The following DSN1 variants were observed in gnomAD, a reference collection of about 807,000 sequenced individuals.
The protein encoded by DSN1 is kinetochore-associated protein DSN1 homolog.
In DSN1, 31 loss-of-function variants were observed where a neutral mutation model predicts 45.7. The observed-to-expected ratio is 0.68, with a 90% CI of 0.51 to 0.92. The LOEUF is 0.92. Ranked by LOEUF, DSN1 falls within the 40% of genes least tolerant of loss-of-function variation. The pLI is 0.00. For missense variants in DSN1, 394 were observed against 414.2 expected, an observed-to-expected ratio of 0.95 and a Z score of 0.42; for synonymous variants, 134 against 142.3, an observed-to-expected ratio of 0.94 and a Z score of 0.41.
At chr20:36,752,985 A>G (rs1316169415) in intron 10 of DSN1, 88 bp from the exon 11 acceptor site, 16 of 1,020,000 alleles carry the variant, frequency 1.6e-5, no homozygotes, top group Non-Finnish European at 2.3e-5. Flanking sequence ...TGTGACACAC[A>G]TGGAAGGGCA....
At chr20:36,755,951 T>C in intron 8 of DSN1, 122 bp from the exon 9 acceptor site, 1 of 1,152,662 alleles carries the variant, frequency 8.7e-7, no homozygotes, top group South Asian at 1.7e-5. Flanking sequence ...TAGGCTCACT[T>C]CTTAACAGAA....
intron 5 of DSN1, 102 bp from the exon 6 acceptor site, chr20:36,762,650 G>A (rs992731497): frequency 4.0e-6 from 4 of 1,008,540 alleles, no homozygotes; most frequent in Non-Finnish European, 5.6e-6. Context: ...TCTAGGTACT[G>A]TTACATGTTG....
At chr20:36,765,605 T>A (rs1987277750) in intron 5 of DSN1, among the ~76,000 whole-genome samples, 1 of 150,698 alleles carries the variant, frequency 6.6e-6, no homozygotes, top group Admixed American at 6.6e-5. Flanking sequence ...GGTCAGGAGA[T>A]CGAGACCATG....
intron 1 of DSN1, among the ~76,000 whole-genome samples, chr20:36,773,213 C>T (rs550120054): frequency 8.5e-5 from 13 of 152,288 alleles, no homozygotes; most frequent in African/African-American, 2.9e-4. Flanking sequence ...GCTATGTAAG[C>T]GCTTTACTTG....
At chr20:36,753,480 A>G (rs1986487329) in intron 10 of DSN1, among the ~76,000 whole-genome samples, 1 of 151,638 alleles carries the variant, frequency 6.6e-6, no homozygotes, top group Non-Finnish European at 1.5e-5. Context: ...TCTACTAAAA[A>G]TACAAAAATT....
Position 36,772,167 on chromosome 20 carries a change from A to G in DSN1, c.-15-694T>C, listed in dbSNP as rs140714487. On this transcript the variant is annotated intron_variant, in intron 1 of 10. Transcript: ENST00000373750. ...AAGTCTGGGATTACAGGCGTGAGCCACCACGCCCAGCCTCACTGTTACTAG... is the reference window on the plus strand; with the variant it reads ...AAGTCTGGGATTACAGGCGTGAGCCGCCACGCCCAGCCTCACTGTTACTAG... Among the ~76,000 whole-genome samples the G allele has an allele frequency of 6.7e-3, 1,020 of 152,218 alleles. 13 individuals carry two copies. The highest frequency in any genetic ancestry group is 0.023 in the African/African-American group (959 of 41,534).
chr20:36,759,608 C>T (rs113802781), intron 6 of DSN1, among the ~76,000 whole-genome samples: 3 of 151,900 alleles, frequency 2.0e-5, no homozygotes, highest in South Asian at 4.2e-4. Context: ...CTCAGCCTCC[C>T]GAGTAGCTGG....
Position 36,773,699 on chromosome 20 carries a change from A to G in DSN1, c.-53T>C. ...GCCACGGGTCGCTCTCCACAGCCCC[A>G]GGTCACTCCTGGACGCCTTGCGCAC... On this transcript the variant is annotated 5_prime_UTR_variant, in exon 1 of 11. Coordinates refer to ENST00000373750, the MANE Select transcript of DSN1 (RefSeq NM_001145315.2). 2.0e-6 allele frequency: 2 copies of G among 985,640 alleles called. No individual in the cohort carries two copies. Among genetic ancestry groups the G allele is most frequent in the Non-Finnish European group, 2.4e-6 (2 of 830,084 alleles). The allele number at this position is 985,640 out of a possible 1,614,324, so 61.1% of individuals were successfully genotyped here.
intron 6 of DSN1, among the ~76,000 whole-genome samples, chr20:36,759,704 C>T (rs1601007471): frequency 1.3e-5 from 2 of 151,554 alleles, no homozygotes; most frequent in Non-Finnish European, 2.9e-5. Context: ...AGGATGGTTT[C>T]GATCTCCTGA....
chr20:36,754,343 C>G (rs1045138155), intron 10 of DSN1, among the ~76,000 whole-genome samples: 2 of 151,388 alleles, frequency 1.3e-5, no homozygotes, highest in African/African-American at 4.9e-5. Flanking sequence ...TTTGCCCCCC[C>G]AGCCCAAAAA....
At chr20:36,764,287 A>G (rs1007053845) in intron 5 of DSN1, among the ~76,000 whole-genome samples, 3 of 152,116 alleles carry the variant, frequency 2.0e-5, no homozygotes, top group African/African-American at 7.2e-5. Context: ...AGAGTCCACT[A>G]CTACATTCAG....
At chr20:36,757,156 G>A (rs1986716570) in intron 8 of DSN1, among the ~76,000 whole-genome samples, 1 of 152,210 alleles carries the variant, frequency 6.6e-6, no homozygotes, top group South Asian at 2.1e-4. Context: ...AGGAGTTCAC[G>A]ACCAGCCTGG....
chr20:36,771,293 A>G (rs1987636985), intron 2 of DSN1, 100 bp from the exon 3 acceptor site: 9 of 1,478,244 alleles, frequency 6.1e-6, no homozygotes, highest in Non-Finnish European at 8.3e-6. Flanking sequence ...TAGATCGTGG[A>G]AACATAAAGA....
At chr20:36,766,643 ACT>A (rs1987356345) in intron 5 of DSN1, 124 bp downstream of exon 5, 4 of 818,386 alleles carry the variant, frequency 4.9e-6, no homozygotes, top group African/African-American at 1.8e-5. Context: ...CAAGAGTGAG[ACT>A]CTGTCTAAAA....
chr20:36,761,036 A>C (rs995896896), intron 6 of DSN1, among the ~76,000 whole-genome samples: 1 of 152,198 alleles, frequency 6.6e-6, no homozygotes, highest in African/African-American at 2.4e-5. Flanking sequence ...TGCTGGGTGG[A>C]AATTAGGGTG....
intron 3 of DSN1, among the ~76,000 whole-genome samples, chr20:36,769,948 G>C (rs1191843004): frequency 2.6e-4 from 34 of 130,026 alleles, no homozygotes; most frequent in African/African-American, 1.1e-3. Context: ...CACAGAGAGA[G>C]AGAGACAGAG....
chr20:36,769,047 T>C (rs559225275), intron 3 of DSN1, among the ~76,000 whole-genome samples: 4 of 152,344 alleles, frequency 2.6e-5, no homozygotes, highest in Non-Finnish European at 2.9e-5. Flanking sequence ...TAACAGATAA[T>C]GACACAGGCA....
chr20:36,753,268 A>T (rs1986473140), intron 10 of DSN1, among the ~76,000 whole-genome samples: 1 of 151,766 alleles, frequency 6.6e-6, no homozygotes, highest in South Asian at 2.1e-4. Flanking sequence ...GGAGCCCAGA[A>T]AGTTGAGGCT....
chr20:36,763,946 C>A (rs889745712), intron 5 of DSN1, among the ~76,000 whole-genome samples: 2 of 149,296 alleles, frequency 1.3e-5, no homozygotes, highest in East Asian at 2.0e-4. Flanking sequence ...AGGCATAGTG[C>A]CTCACTGCTA....
Sources: gnomAD v4.1 joint callset for allele counts (sites outside exome capture counted in the v4.1 genomes callset) on GRCh38, gnomAD v4.1.1 for gene constraint, MANE v1.5 for transcripts, NCBI Gene and HGNC (gene_info 2026-07-23, HGNC 2026-07-21) for gene names.